Variants in TMTC2 observed in about 807,000 individuals in gnomAD.
TMTC2 encodes the protein protein O-mannosyl-transferase TMTC2.
In TMTC2, 43 loss-of-function variants were observed where a neutral mutation model predicts 82.4. The ratio of observed to expected loss-of-function variants is 0.52; its 90% CI spans 0.41 to 0.67. The LOEUF (loss-of-function observed/expected upper bound fraction) is 0.67, where lower values mean the gene tolerates loss of function less well. TMTC2 is among the 30% of genes least tolerant of loss of function. The probability of loss-of-function intolerance (pLI) is 0.00; values close to 1 mark genes in which losing one functional copy is unlikely to be tolerated. For missense variants in TMTC2, 919 were observed against 1,012.4 expected, an observed-to-expected ratio of 0.91 and a Z score of 1.25; for synonymous variants, 408 against 381.9, an observed-to-expected ratio of 1.07 and a Z score of -0.80.
intron 1 of TMTC2, among the ~76,000 whole-genome samples, chr12:82,721,611 G>A (rs1874210454): frequency 6.6e-6 from 1 of 152,064 alleles, no homozygotes; most frequent in African/African-American, 2.4e-5. Flanking sequence ...TAAAAATAAT[G>A]GAGTAAGAGC....
chr12:82,866,298 A>G (rs188718261), intron 2 of TMTC2, among the ~76,000 whole-genome samples: 1 of 151,828 alleles, frequency 6.6e-6, no homozygotes, highest in African/African-American at 2.4e-5. Context: ...CCCTTCTCCC[A>G]ACCTTGATGA....
intron 1 of TMTC2, among the ~76,000 whole-genome samples, chr12:82,787,183 C>A (rs912874730): frequency 6.6e-6 from 1 of 151,976 alleles, no homozygotes; most frequent in African/African-American, 2.4e-5. Flanking sequence ...TTATCATTTT[C>A]TATCTTTCAT....
At chr12:83,094,828 T>C (rs77787774) in intron 11 of TMTC2, among the ~76,000 whole-genome samples, 8,331 of 152,198 alleles carry the variant, frequency 0.055, 334 homozygotes, top group East Asian at 0.22. Context: ...ATCTTGGAGG[T>C]CAAACATATC....
At chr12:83,082,519 A>G (rs781764986) in intron 11 of TMTC2, among the ~76,000 whole-genome samples, 7 of 152,220 alleles carry the variant, frequency 4.6e-5, no homozygotes, top group Non-Finnish European at 8.8e-5. Context: ...TTGACAATAT[A>G]GACTGTGCTT....
intron 8 of TMTC2, among the ~76,000 whole-genome samples, chr12:83,020,112 G>A (rs985044125): frequency 1.2e-4 from 19 of 152,144 alleles, no homozygotes; most frequent in African/African-American, 4.3e-4. Flanking sequence ...CCTTCCTTGA[G>A]TATTTCCACT....
At chr12:82,876,505 T>C (rs1018312018) in intron 2 of TMTC2, among the ~76,000 whole-genome samples, 1 of 152,182 alleles carries the variant, frequency 6.6e-6, no homozygotes, top group Non-Finnish European at 1.5e-5. Flanking sequence ...TACCATTGGA[T>C]TTATTGGTTC....
Position 82,794,407 on chromosome 12 carries a change from T to C in TMTC2, c.84-62603T>C, listed in dbSNP as rs1330802905. The stretch of plus-strand genomic sequence containing the variant: ...GGGGGAAACACAAATTGAGGTATAT[T>C]GTTAGTGACATTTCATAGAGCAGGC... On this transcript the variant is annotated intron_variant, in intron 1 of 11. Transcript: ENST00000321196. Among the ~76,000 whole-genome samples the C allele has an allele frequency of 5.3e-5, 8 of 152,268 alleles. No homozygotes were observed. In the South Asian group the frequency reaches 1.7e-3, roughly 32 times the overall value.
intron 2 of TMTC2, among the ~76,000 whole-genome samples, chr12:82,880,842 G>A (rs1373396909): frequency 6.6e-6 from 1 of 152,178 alleles, no homozygotes; most frequent in African/African-American, 2.4e-5. Context: ...GATGCAGGGT[G>A]AATTGCAAAA....
chr12:83,026,322 C>G (rs578142819), intron 8 of TMTC2, among the ~76,000 whole-genome samples: 46 of 152,100 alleles, frequency 3.0e-4, no homozygotes, highest in Non-Finnish European at 4.9e-4. Flanking sequence ...TAGAAGTTCT[C>G]TACCAGGAAC....
chr12:83,046,218 A>G (rs1209241786), intron 9 of TMTC2, among the ~76,000 whole-genome samples: 1 of 152,188 alleles, frequency 6.6e-6, no homozygotes, highest in East Asian at 1.9e-4. Flanking sequence ...AATGATTACC[A>G]GAAGAGCTCA....
intron 1 of TMTC2, among the ~76,000 whole-genome samples, chr12:82,852,660 G>A (rs1871043454): frequency 6.6e-6 from 1 of 152,218 alleles, no homozygotes. Context: ...AGCAGAAGAG[G>A]TTTTACTATT....
chr12:83,080,311 T>A (rs1051576597), intron 11 of TMTC2, among the ~76,000 whole-genome samples: 3 of 152,184 alleles, frequency 2.0e-5, no homozygotes, highest in African/African-American at 7.2e-5. Flanking sequence ...AATCATAGTC[T>A]TGAGAGGGTC....
chr12:82,743,173 T>C (rs1875506962), intron 1 of TMTC2, among the ~76,000 whole-genome samples: 1 of 152,172 alleles, frequency 6.6e-6, no homozygotes, highest in Admixed American at 6.5e-5. Flanking sequence ...CTGGGCGCAG[T>C]GGCTCAGGCC....
At chr12:82,843,879 C>T (rs1414819854) in intron 1 of TMTC2, among the ~76,000 whole-genome samples, 1 of 152,040 alleles carries the variant, frequency 6.6e-6, no homozygotes, top group African/African-American at 2.4e-5. Context: ...ACCCAGGAGG[C>T]GGAGGATGCA....
intron 11 of TMTC2, among the ~76,000 whole-genome samples, chr12:83,120,933 G>T (rs1884927359): frequency 6.6e-6 from 1 of 151,978 alleles, no homozygotes; most frequent in African/African-American, 2.4e-5. Context: ...TCTTCTACTT[G>T]TTCAGTTCTA....
chr12:82,810,683 G>A (rs1478197978), intron 1 of TMTC2, among the ~76,000 whole-genome samples: 3 of 152,036 alleles, frequency 2.0e-5, no homozygotes, highest in African/African-American at 7.2e-5. Context: ...ATCTCGAATT[G>A]TAATCCCCAT....
At chr12:82,726,530 A>G (rs1469657903) in intron 1 of TMTC2, among the ~76,000 whole-genome samples, 1 of 152,206 alleles carries the variant, frequency 6.6e-6, no homozygotes, top group Non-Finnish European at 1.5e-5. Context: ...TTTTACAAAT[A>G]GGGAAATTGA....
intron 1 of TMTC2, among the ~76,000 whole-genome samples, chr12:82,822,791 C>G (rs989333464): frequency 6.6e-6 from 1 of 152,152 alleles, no homozygotes; most frequent in Non-Finnish European, 1.5e-5. Flanking sequence ...ATACCTGTGA[C>G]CATCTTGCTC....
At chr12:82,981,095 A>C (rs1174368418) in intron 7 of TMTC2, among the ~76,000 whole-genome samples, 1 of 151,880 alleles carries the variant, frequency 6.6e-6, no homozygotes, top group African/African-American at 2.4e-5. Flanking sequence ...TTGATGTGCA[A>C]GATATATGTT....
Sources: allele counts gnomAD v4.1 joint callset (sites outside exome capture counted in the v4.1 genomes callset), GRCh38; gene constraint gnomAD v4.1.1; transcripts MANE v1.5; gene names NCBI Gene and HGNC (gene_info 2026-07-23, HGNC 2026-07-21).